Variants in SORCS3 observed in about 807,000 individuals in gnomAD.
The protein encoded by SORCS3 is sortilin related VPS10 domain containing receptor 3.
Under a neutral mutation model 146.3 loss-of-function variants are expected in SORCS3, and 57 were observed. The ratio of observed to expected loss-of-function variants is 0.39; its 90% CI spans 0.31 to 0.49. SORCS3 has a LOEUF of 0.49. SORCS3 is among the 20% of genes least tolerant of loss of function. SORCS3 has a pLI of 0.92. For synonymous variants in SORCS3, 653 were observed against 618.5 expected, an observed-to-expected ratio of 1.06 and a Z score of -0.83; for missense variants, 1,341 against 1,575.5, an observed-to-expected ratio of 0.85 and a Z score of 2.52.
At chr10:104,803,080 C>T (rs1458661127) in intron 1 of SORCS3, among the ~76,000 whole-genome samples, 1 of 152,200 alleles carries the variant, frequency 6.6e-6, no homozygotes, top group African/African-American at 2.4e-5. Flanking sequence ...TACTCATTGT[C>T]ACATGCATGC....
At chr10:105,088,905 T>C (rs2055682203) in intron 5 of SORCS3, among the ~76,000 whole-genome samples, 1 of 152,216 alleles carries the variant, frequency 6.6e-6, no homozygotes, top group Admixed American at 6.5e-5. Context: ...CTTAGAATAG[T>C]GTATAAACTC....
At chr10:105,121,640 T>C (rs2055934054) in intron 7 of SORCS3, among the ~76,000 whole-genome samples, 2 of 152,214 alleles carry the variant, frequency 1.3e-5, no homozygotes, top group African/African-American at 4.8e-5. Flanking sequence ...CCATTCCCTA[T>C]TCAGTGGACT....
intron 4 of SORCS3, among the ~76,000 whole-genome samples, chr10:105,016,155 A>ATATATATATATT (rs71482443): frequency 1.3e-4 from 13 of 101,318 alleles, no homozygotes; most frequent in African/African-American, 5.8e-4. Context: ...ATATATATAT[A>ATATATATATATT]TTTTTTTTTT....
chr10:105,043,818 G>A (rs920431156), intron 5 of SORCS3, among the ~76,000 whole-genome samples: 5 of 152,080 alleles, frequency 3.3e-5, no homozygotes, highest in Admixed American at 6.6e-5. Flanking sequence ...ATGAATACAT[G>A]TTTCAAATGG....
intron 1 of SORCS3, among the ~76,000 whole-genome samples, chr10:104,696,335 G>A (rs62646910): frequency 0.58 from 1,031 of 1,780 alleles, 441 homozygotes; most frequent in East Asian, 0.73. Flanking sequence ...ATACACATAT[G>A]ATATATGATA....
chr10:105,160,617 A>ACT (rs1354972786), intron 11 of SORCS3, among the ~76,000 whole-genome samples: 2 of 152,110 alleles, frequency 1.3e-5, no homozygotes, highest in Non-Finnish European at 2.9e-5. Context: ...ACACAGTGAG[A>ACT]CTCTGGCTCA....
chr10:104,641,909 G>A lies in SORCS3; in HGVS notation c.582G>A (p.Ser194=), dbSNP rs1447053932. The A allele has an allele frequency of 6.5e-7, 1 of 1,530,460 alleles. No homozygotes were observed. The highest frequency in any genetic ancestry group is 8.8e-7 in the Non-Finnish European group (1 of 1,135,036). The allele number at this position is 1,530,460 out of a possible 1,614,324, so 94.8% of individuals were successfully genotyped here. A position where few individuals can be genotyped will look rare whatever the true frequency, so the allele number is the denominator to read the frequency against. ...PSTSFALTGD[S]AHNQAMVHWS... is the part of the protein sequence containing the mutation. The stretch of plus-strand genomic sequence containing the variant: ...CCTCCTTCGCGCTGACCGGGGACTC[G>A]GCCCACAACCAAGCCATGGTGCACT... Residue 194 remains serine (S), a synonymous_variant, in exon 1 of 27, where the codon TCG becomes TCA. Transcript: ENST00000369701. This position sits in a 1 kb window ranked among gnomAD's most constrained non-coding sequence, Gnocchi z 6.4.
chr10:105,183,009 T>G (rs942994822), intron 14 of SORCS3, among the ~76,000 whole-genome samples: 3 of 152,176 alleles, frequency 2.0e-5, no homozygotes, highest in Non-Finnish European at 2.9e-5. Flanking sequence ...CTGGCCAGTA[T>G]GGGAAACATT....
At chr10:104,807,291 G>A (rs1011945165) in intron 1 of SORCS3, among the ~76,000 whole-genome samples, 1 of 152,116 alleles carries the variant, frequency 6.6e-6, no homozygotes, top group African/African-American at 2.4e-5. Flanking sequence ...TTTCAGCTGA[G>A]TGACAATATG....
rs549874101 is a variant in SORCS3, at chr10:105,134,517, G to A, written c.1213-4880G>A. 3.4e-5 allele frequency among the ~76,000 whole-genome samples: 5 copies of A among 148,338 alleles called. No homozygotes were observed. The Admixed American group carries it at 3.4e-4, about 10-fold the overall frequency. The stretch of plus-strand genomic sequence containing the variant: ...CTTCCAAGATAATGCCTTGAATACT[G>A]AGTCTTTACATGGCAGAAGGATAGA... On this transcript the variant is annotated intron_variant, in intron 7 of 26. Transcript: ENST00000369701.
intron 2 of SORCS3, among the ~76,000 whole-genome samples, chr10:104,852,364 C>G (rs2018282452): frequency 6.6e-6 from 1 of 152,152 alleles, no homozygotes; most frequent in Admixed American, 6.5e-5. Flanking sequence ...ATTTGGCAAC[C>G]ATTCATGTTT....
intron 3 of SORCS3, among the ~76,000 whole-genome samples, chr10:104,946,443 G>A (rs146394777): frequency 6.6e-6 from 1 of 152,196 alleles, no homozygotes; most frequent in East Asian, 1.9e-4. Context: ...GTGTGCTGGA[G>A]CTAGCCTATT....
At chr10:105,060,188 G>T (rs2055475349) in intron 5 of SORCS3, among the ~76,000 whole-genome samples, 1 of 152,178 alleles carries the variant, frequency 6.6e-6, no homozygotes, top group Admixed American at 6.5e-5. Context: ...AGGCAAGCTT[G>T]TGTGCGTGCT....
At chr10:105,087,753 GAC>G (rs1263819184) in intron 5 of SORCS3, among the ~76,000 whole-genome samples, 2 of 152,064 alleles carry the variant, frequency 1.3e-5, no homozygotes, top group Admixed American at 6.6e-5. Flanking sequence ...AAATAGAGAA[GAC>G]ACAGAAATGA....
chr10:104,728,890 C>T (rs543120877), intron 1 of SORCS3, among the ~76,000 whole-genome samples: 139 of 152,186 alleles, frequency 9.1e-4, no homozygotes, highest in Admixed American at 2.4e-3. Flanking sequence ...TTCTGGTGAC[C>T]CAGTTATAAG....
At chr10:104,896,825 G>T (rs1305413561) in intron 2 of SORCS3, among the ~76,000 whole-genome samples, 1 of 152,234 alleles carries the variant, frequency 6.6e-6, no homozygotes, top group Non-Finnish European at 1.5e-5. Context: ...GTCTATAGCT[G>T]CTTTTGTGCT....
chr10:104,830,596 C>T (rs1589515864), intron 1 of SORCS3, among the ~76,000 whole-genome samples: 1 of 152,258 alleles, frequency 6.6e-6, no homozygotes, highest in Admixed American at 6.5e-5. Flanking sequence ...TCCGCCAGTC[C>T]CCACTCATGC....
intron 2 of SORCS3, among the ~76,000 whole-genome samples, chr10:104,843,737 A>G (rs2018172241): frequency 6.6e-6 from 1 of 152,218 alleles, no homozygotes; most frequent in Non-Finnish European, 1.5e-5. Context: ...ACATATGCAC[A>G]TCCATACGAC....
intron 1 of SORCS3, among the ~76,000 whole-genome samples, chr10:104,798,335 T>C (rs2017582594): frequency 6.6e-6 from 1 of 152,162 alleles, no homozygotes; most frequent in South Asian, 2.1e-4. Flanking sequence ...TGACTATCAG[T>C]CCTGGTAACA....
Sources: allele counts gnomAD v4.1 joint callset (sites outside exome capture counted in the v4.1 genomes callset), GRCh38; gene constraint gnomAD v4.1.1; non-coding constraint Gnocchi (gnomAD v3.1); transcripts MANE v1.5; gene names NCBI Gene and HGNC (gene_info 2026-07-23, HGNC 2026-07-21).